The following GNG2 variants were observed in gnomAD, a reference collection of about 807,000 sequenced individuals.
GNG2 encodes G protein subunit gamma 2.
Under a neutral mutation model 5.5 loss-of-function variants are expected in GNG2, and 5 were observed. That is an observed-to-expected ratio of 0.91 (90% CI 0.48 to 1.92). The LOEUF is 1.92. Among genes scored for constraint, GNG2 ranks in the 30% most tolerant of loss-of-function variants. The pLI is 0.01. For synonymous variants in GNG2, 28 were observed against 32.0 expected (o/e 0.88, Z 0.42); for missense variants, 55 against 88.4 (o/e 0.62, Z 1.52).
chr14:51,830,939 G>A lies in GNG2; in HGVS notation c.64+3132G>A, dbSNP rs1881171367. 2.0e-5 allele frequency among the ~76,000 whole-genome samples: 3 copies of A among 152,196 alleles called. No individual in the cohort carries two copies. In the South Asian group the frequency reaches 6.2e-4, roughly 32 times the overall value. Reference sequence around the variant, plus strand: ...AATGGCTGACAAGACCTGACAGCACGAGCTGTTTCTCCACCCTATTTGTCT... The same window carrying A: ...AATGGCTGACAAGACCTGACAGCACAAGCTGTTTCTCCACCCTATTTGTCT... On this transcript the variant is annotated intron_variant, in intron 2 of 3. Transcript: ENST00000553432.
At chr14:51,861,248 A>C (rs1477457172) in intron 1 of GNG2, 1 of 152,068 alleles carries the variant, frequency 6.6e-6, no homozygotes, top group African/African-American at 2.4e-5. Flanking sequence ...GGGGGAGTTA[A>C]ATTCTTTTGT....
chr14:51,856,050 C>T (rs958832445), upstream of GNG2, among the ~76,000 whole-genome samples: 6 of 151,994 alleles, frequency 3.9e-5, no homozygotes, highest in Admixed American at 2.6e-4. Context: ...GGTTGGCACA[C>T]GCCTGTAATC....
At chr14:51,860,530 G>C (rs921287267), upstream of GNG2, 1 of 152,622 alleles carries the variant, frequency 6.6e-6, no homozygotes, top group Non-Finnish European at 1.5e-5. Context: ...GCCGCTAACA[G>C]CTACCAAGAA....
At chr14:51,960,975 T>C (rs1280811064) in intron 3 of GNG2, among the ~76,000 whole-genome samples, 2 of 152,144 alleles carry the variant, frequency 1.3e-5, no homozygotes, top group Non-Finnish European at 2.9e-5. Flanking sequence ...CTTAAGAGCT[T>C]TCTCTCCCCT....
intron 2 of GNG2, among the ~76,000 whole-genome samples, chr14:51,828,742 TCTG>T (rs1881101183): frequency 1.3e-5 from 2 of 152,250 alleles, no homozygotes; most frequent in African/African-American, 4.8e-5. Flanking sequence ...TGTTTCTGAC[TCTG>T]CTATTTTCAG....
chr14:51,836,429 C>G (rs1881334492), intron 2 of GNG2, among the ~76,000 whole-genome samples: 1 of 152,006 alleles, frequency 6.6e-6, no homozygotes, highest in South Asian at 2.1e-4. Flanking sequence ...TGCCAGTATT[C>G]TATATGCAAC....
At chr14:51,966,209 CAAAAAAAAAAAAAAA>C (rs34653524) in intron 3 of GNG2, among the ~76,000 whole-genome samples, 1 of 28,144 alleles carries the variant, frequency 3.6e-5, no homozygotes, top group African/African-American at 1.6e-4. Flanking sequence ...GACTGCATCT[CAAAAAAAAAAAAAAA>C]AAAAAAAAAA....
intron 2 of GNG2, among the ~76,000 whole-genome samples, chr14:51,840,379 G>T (rs1461397097): frequency 6.6e-6 from 1 of 152,176 alleles, no homozygotes; most frequent in East Asian, 1.9e-4. Flanking sequence ...CACCAACAGA[G>T]AATCCAAAGT....
At chr14:51,850,788 A>T (rs1594835674) in intron 2 of GNG2, among the ~76,000 whole-genome samples, 1 of 151,896 alleles carries the variant, frequency 6.6e-6, no homozygotes, top group African/African-American at 2.4e-5. Context: ...AGCAGGAGCA[A>T]GAGAGAGAGA....
At chr14:51,844,406 C>T (rs1213520334) in intron 2 of GNG2, among the ~76,000 whole-genome samples, 1 of 152,166 alleles carries the variant, frequency 6.6e-6, no homozygotes, top group Non-Finnish European at 1.5e-5. Context: ...CCCCTTCTGA[C>T]TCATGATGTC....
intron 2 of GNG2, among the ~76,000 whole-genome samples, chr14:51,830,401 A>AAG (rs1484504197): frequency 1.3e-5 from 2 of 152,164 alleles, no homozygotes; most frequent in Non-Finnish European, 2.9e-5. Flanking sequence ...ATTTCTAGCA[A>AAG]AGACTCCTCA....
intron 2 of GNG2, among the ~76,000 whole-genome samples, chr14:51,844,935 C>G (rs147970313): frequency 0.023 from 3,512 of 152,224 alleles, 61 homozygotes; most frequent in African/African-American, 0.035. Flanking sequence ...CCATGTTGGG[C>G]AGGCTGGTCT....
At chr14:51,869,931 T>A (rs1407570920) in intron 1 of GNG2, among the ~76,000 whole-genome samples, 1 of 152,052 alleles carries the variant, frequency 6.6e-6, no homozygotes, top group Non-Finnish European at 1.5e-5. Context: ...AATTTAAGAG[T>A]TTCCTCCCGA....
At chr14:51,966,236 A>AAC (rs1566720391) in intron 3 of GNG2, among the ~76,000 whole-genome samples, 30 of 149,120 alleles carry the variant, frequency 2.0e-4, no homozygotes, top group African/African-American at 7.6e-4. Context: ...AAAAAAAAAA[A>AAC]ACAAATGAAG....
At chr14:51,839,963 G>A (rs1413567065) in intron 2 of GNG2, among the ~76,000 whole-genome samples, 1 of 152,164 alleles carries the variant, frequency 6.6e-6, no homozygotes, top group Non-Finnish European at 1.5e-5. Flanking sequence ...GTTGTAGGAT[G>A]CTCCTGGGGA....
intron 1 of GNG2, chr14:51,826,288 A>G (rs1201687925): frequency 6.6e-6 from 1 of 152,204 alleles, no homozygotes; most frequent in East Asian, 1.9e-4. Flanking sequence ...TATATATTAA[A>G]TAAATAAATG....
intron 2 of GNG2, among the ~76,000 whole-genome samples, chr14:51,886,714 A>G (rs1053063214): frequency 1.2e-4 from 19 of 152,128 alleles, no homozygotes; most frequent in Non-Finnish European, 5.9e-5. Flanking sequence ...GATTATAATG[A>G]TCCTGCAGGC....
intron 2 of GNG2, among the ~76,000 whole-genome samples, chr14:51,903,823 A>G (rs545901623): frequency 6.6e-6 from 1 of 152,302 alleles, no homozygotes; most frequent in African/African-American, 2.4e-5. Flanking sequence ...GTTTGGGAAG[A>G]ACTCAGACAG....
At chr14:51,887,654 G>A (rs1462418092) in intron 2 of GNG2, among the ~76,000 whole-genome samples, 1 of 152,200 alleles carries the variant, frequency 6.6e-6, no homozygotes, top group Non-Finnish European at 1.5e-5. Context: ...GCAGTGTGGT[G>A]TAGAGAAAAG....
Sources: allele counts gnomAD v4.1 joint callset (sites outside exome capture counted in the v4.1 genomes callset), GRCh38; gene constraint gnomAD v4.1.1; transcripts MANE v1.5; gene names NCBI Gene and HGNC (gene_info 2026-07-23, HGNC 2026-07-21).